Variants in TLK1 observed in about 807,000 individuals in gnomAD.
TLK1 encodes the protein tousled like kinase 1.
Under a neutral mutation model 105.3 loss-of-function variants are expected in TLK1, and 24 were observed. The observed-to-expected ratio is 0.23, with a 90% CI of 0.17 to 0.32. The LOEUF (loss-of-function observed/expected upper bound fraction) is 0.32. Among genes scored for constraint, TLK1 ranks in the 10% least tolerant of loss-of-function variants. TLK1 has a pLI of 1.00. For synonymous variants in TLK1, 321 were observed against 310.4 expected (o/e 1.03, Z -0.36); for missense variants, 558 against 910.5 (o/e 0.61, Z 4.98).
chr2:171,228,658 C>G (rs1024358409), intron 1 of TLK1, among the ~76,000 whole-genome samples: 6 of 152,122 alleles, frequency 3.9e-5, no homozygotes, highest in Admixed American at 1.3e-4. Context: ...TAATTTTTCC[C>G]AAGTGATTCA....
chr2:171,031,391 A>G (rs2105398209), intron 11 of TLK1, among the ~76,000 whole-genome samples: 1 of 152,344 alleles, frequency 6.6e-6, no homozygotes, highest in East Asian at 1.9e-4. Flanking sequence ...GATAATGTTC[A>G]CATCAGTGGC....
Position 171,143,706 on chromosome 2 carries a change from A to G in TLK1, c.139+16584T>C, listed in dbSNP as rs780791452. 9.7e-4 allele frequency among the ~76,000 whole-genome samples: 148 copies of G among 152,126 alleles called. 2 individuals are homozygous for G. The highest frequency in any genetic ancestry group is 4.4e-4 in the Non-Finnish European group (30 of 68,014). On this transcript the variant is annotated intron_variant, in intron 1 of 20. Coordinates refer to ENST00000431350, the MANE Select transcript of TLK1 (RefSeq NM_012290.5). ...TCACTAGTAATTCAAATATAGTTTT[A>G]AAATGATTAAAGAAATTAAAATGTT...
chr2:171,071,400 G>A (rs555586385), intron 3 of TLK1, among the ~76,000 whole-genome samples: 4 of 151,788 alleles, frequency 2.6e-5, no homozygotes, highest in South Asian at 2.1e-4. Flanking sequence ...CCATTCTCCC[G>A]CCTCAGCCTC....
chr2:171,116,375 G>C (rs999022810), intron 2 of TLK1, among the ~76,000 whole-genome samples: 1 of 152,120 alleles, frequency 6.6e-6, no homozygotes, highest in Admixed American at 6.5e-5. Flanking sequence ...TAATTTCTAA[G>C]ACTCCCAACA....
chr2:171,191,475 G>A (rs1034748192), intron 1 of TLK1, among the ~76,000 whole-genome samples: 5 of 152,034 alleles, frequency 3.3e-5, no homozygotes, highest in Non-Finnish European at 7.4e-5. Flanking sequence ...GCTACTACAG[G>A]GACTGGGGCA....
At chr2:171,095,807 A>C (rs1282775389) in intron 2 of TLK1, among the ~76,000 whole-genome samples, 1 of 152,174 alleles carries the variant, frequency 6.6e-6, no homozygotes, top group East Asian at 1.9e-4. Context: ...AAAAAAAAAA[A>C]ACTTTCAACA....
chr2:171,188,754 G>A (rs1460541946), intron 1 of TLK1, among the ~76,000 whole-genome samples: 1 of 149,796 alleles, frequency 6.7e-6, no homozygotes, highest in African/African-American at 2.5e-5. Context: ...GTGGCACGTG[G>A]TCCCAACTAC....
At chr2:171,188,110 A>G (rs60729063) in intron 1 of TLK1, among the ~76,000 whole-genome samples, 13,067 of 152,242 alleles carry the variant, frequency 0.086, 1,152 homozygotes, top group East Asian at 0.3. Context: ...AGTGAAATTC[A>G]CTCATCCCTT....
At position 171,160,750 on chromosome 2, in the gene TLK1, G is replaced by A. The variant is rs1692460789; in HGVS notation, c.-322C>T. On this transcript the variant is annotated 5_prime_UTR_variant, in exon 1 of 21. Coordinates refer to ENST00000431350, the MANE Select transcript of TLK1 (RefSeq NM_012290.5). This position sits in a 1 kb window ranked among gnomAD's most constrained non-coding sequence, Gnocchi z 4.4. ...CCAGCCGGGCCGGGGTCGGAGCGCG[G>A]GCGGAGCGCGGGCTGCGCCGGCCGA... The A allele has an allele frequency of 2.3e-6, 1 of 427,108 alleles. No individual in the cohort carries two copies. Among genetic ancestry groups the A allele is most frequent in the Non-Finnish European group, 4.1e-6 (1 of 245,930 alleles). 26.5% of individuals were successfully genotyped at this position (427,108 alleles called of 1,614,324 possible). A position where few individuals can be genotyped will look rare whatever the true frequency, so the allele number is the denominator to read the frequency against.
At chr2:171,057,295 A>T (rs1304138019) in intron 5 of TLK1, among the ~76,000 whole-genome samples, 2 of 152,096 alleles carry the variant, frequency 1.3e-5, no homozygotes, top group Non-Finnish European at 2.9e-5. Flanking sequence ...TTACATGAAC[A>T]GCACAGATAG....
upstream of TLK1, chr2:171,160,920 C>G (rs1343788869): frequency 1.0e-4 from 24 of 241,104 alleles, no homozygotes; most frequent in African/African-American, 1.9e-4. This position sits in a 1 kb window ranked among gnomAD's most constrained non-coding sequence, Gnocchi z 4.4. Context: ...GGCGGCGTCA[C>G]GCGCCGCCTG....
chr2:171,085,162 G>C (rs1257503188), intron 2 of TLK1, among the ~76,000 whole-genome samples: 1 of 152,156 alleles, frequency 6.6e-6, no homozygotes, highest in Non-Finnish European at 1.5e-5. Context: ...GGCGGAGGCG[G>C]GCAGATCACC....
In TLK1 at chr2:170,993,663, T is replaced by TA; in HGVS notation, c.*116_*117insT. On this transcript the variant is annotated 3_prime_UTR_variant, in exon 21 of 21. Transcript: ENST00000431350. Reference sequence around the variant, plus strand: ...TTCACAAACAGTTCTTAACCACGTCTTGTGTAAAAAAAAAAAAAAAAAAAA... The same window carrying TA: ...TTCACAAACAGTTCTTAACCACGTCTATGTGTAAAAAAAAAAAAAAAAAAAA... 2 of 835,744 alleles carry TA rather than the reference T, an allele frequency of 2.4e-6. No individual in the cohort carries two copies. The highest frequency in any genetic ancestry group is 3.2e-6 in the Non-Finnish European group (2 of 616,476). 51.8% of individuals were successfully genotyped at this position (835,744 alleles called of 1,614,324 possible). A position where few individuals can be genotyped will look rare whatever the true frequency, so the allele number is the denominator to read the frequency against.
At position 171,185,840 on chromosome 2, in the gene TLK1, C is replaced by T. The variant is rs1485205567; in HGVS notation, c.-6+45305G>A. On this transcript the variant is annotated intron_variant, in intron 1 of 20. Transcript: ENST00000521943. ...TGGCAGAAATTGTTTTTCATTTCTACATCTGCAGTACCTAACAGAGTGCTA... is the reference window on the plus strand; with the variant it reads ...TGGCAGAAATTGTTTTTCATTTCTATATCTGCAGTACCTAACAGAGTGCTA... Among the ~76,000 whole-genome samples, 6 of 152,328 alleles carry T rather than the reference C, an allele frequency of 3.9e-5. No homozygotes were observed. The East Asian group carries it at 1.2e-3, about 29-fold the overall frequency.
At chr2:171,167,952 A>T (rs940782631) in intron 1 of TLK1, among the ~76,000 whole-genome samples, 1 of 151,964 alleles carries the variant, frequency 6.6e-6, no homozygotes, top group African/African-American at 2.4e-5. Context: ...AAAGTAATTT[A>T]AAAATATATA....
chr2:171,062,225 G>C (rs903703373), intron 3 of TLK1, among the ~76,000 whole-genome samples: 1 of 152,154 alleles, frequency 6.6e-6, no homozygotes, highest in Admixed American at 6.5e-5. Flanking sequence ...TCTGGTGCCA[G>C]AAAAATTCCT....
chr2:171,035,107 G>A (rs1686259409), intron 11 of TLK1, among the ~76,000 whole-genome samples: 2 of 152,046 alleles, frequency 1.3e-5, no homozygotes, highest in South Asian at 2.1e-4. Context: ...TTGGGAAGCC[G>A]AGGAGGGTGG....
intron 2 of TLK1, among the ~76,000 whole-genome samples, chr2:171,102,853 T>G (rs1689749661): frequency 6.6e-6 from 1 of 152,134 alleles, no homozygotes; most frequent in African/African-American, 2.4e-5. Context: ...TGAAGTCCAG[T>G]GCTCATGGAG....
At position 171,056,501 on chromosome 2, in the gene TLK1, A is replaced by G. The variant is rs761257640; in HGVS notation, c.519T>C (p.Asn173=). Residue 173 remains asparagine (N), a synonymous_variant, in exon 6 of 21, where the codon AAT becomes AAC. Transcript: ENST00000431350. ...AGGAAGGAGTGGAATGTGAATGTGA[A>G]TTTTGAGGAGAACGGATTGCAGGAG... ...GIPPAIRSPQ[N]SHSHSTPSSS... The G allele has an allele frequency of 2.5e-6, 4 of 1,612,016 alleles. No homozygotes were observed. Among genetic ancestry groups the G allele is most frequent in the Non-Finnish European group, 3.4e-6 (4 of 1,179,046 alleles).
Sources: gnomAD v4.1 joint callset for allele counts (sites outside exome capture counted in the v4.1 genomes callset) on GRCh38, gnomAD v4.1.1 for gene constraint, Gnocchi (gnomAD v3.1) non-coding constraint, MANE v1.5 for transcripts, NCBI Gene and HGNC (gene_info 2026-07-23, HGNC 2026-07-21) for gene names.